Variants in SLC41A2 observed in about 807,000 individuals in gnomAD.
The protein encoded by SLC41A2 is solute carrier family 41 member 2.
Under a neutral mutation model 58.3 loss-of-function variants are expected in SLC41A2, and 32 were observed. The ratio of observed to expected loss-of-function variants is 0.55; its 90% CI spans 0.41 to 0.74. The LOEUF is 0.74. SLC41A2 is among the 30% of genes least tolerant of loss of function. The probability of loss-of-function intolerance (pLI) is 0.00; values close to 1 mark genes in which losing one functional copy is unlikely to be tolerated. For missense variants in SLC41A2, 514 were observed against 680.6 expected (o/e 0.76, Z 2.72); for synonymous variants, 190 against 235.0 (o/e 0.81, Z 1.75).
chr12:104,939,566 A>AACCAG (rs1219562747), intron 1 of SLC41A2, among the ~76,000 whole-genome samples: 3 of 152,212 alleles, frequency 2.0e-5, no homozygotes, highest in Non-Finnish European at 4.4e-5. Flanking sequence ...GGATTTACCA[A>AACCAG]ACCAGAATAT....
intron 1 of SLC41A2, among the ~76,000 whole-genome samples, chr12:104,939,058 C>T (rs1449001560): frequency 2.0e-5 from 3 of 152,202 alleles, no homozygotes; most frequent in African/African-American, 7.2e-5. Flanking sequence ...GTCCTTTTCA[C>T]TGAACACATT....
chr12:104,916,082 G>T (rs1419228658), intron 2 of SLC41A2, among the ~76,000 whole-genome samples: 1 of 152,056 alleles, frequency 6.6e-6, no homozygotes, highest in East Asian at 1.9e-4. Flanking sequence ...TTATTGATTT[G>T]CGTATATTGA....
At chr12:104,920,347 G>A (rs2046535158) in intron 2 of SLC41A2, among the ~76,000 whole-genome samples, 3 of 152,018 alleles carry the variant, frequency 2.0e-5, no homozygotes, top group South Asian at 2.1e-4. Context: ...GAATTTAAAA[G>A]GGAATTCTGT....
At chr12:104,954,510 G>A (rs1415265344) in intron 1 of SLC41A2, among the ~76,000 whole-genome samples, 9 of 152,124 alleles carry the variant, frequency 5.9e-5, no homozygotes, top group East Asian at 1.9e-4. Context: ...AAACCCCAGC[G>A]GGCAGAGAAA....
At chr12:104,902,727 C>G (rs1424247019) in intron 3 of SLC41A2, among the ~76,000 whole-genome samples, 1 of 152,070 alleles carries the variant, frequency 6.6e-6, no homozygotes, top group Non-Finnish European at 1.5e-5. Context: ...GGTCTCAAAG[C>G]CAAGGGCTAT....
chr12:104,910,441 T>A (rs1054431406), intron 2 of SLC41A2, among the ~76,000 whole-genome samples: 1 of 152,136 alleles, frequency 6.6e-6, no homozygotes, highest in Non-Finnish European at 1.5e-5. Context: ...AATTTCTTCA[T>A]CCATTAAATG....
At chr12:104,903,907 A>G (rs1000319081) in intron 3 of SLC41A2, among the ~76,000 whole-genome samples, 6 of 152,168 alleles carry the variant, frequency 3.9e-5, no homozygotes, top group African/African-American at 9.7e-5. Context: ...TCAGCTCCTG[A>G]GACTCCTTCT....
At chr12:104,883,366 G>C (rs1320139128) in intron 6 of SLC41A2, among the ~76,000 whole-genome samples, 1 of 152,144 alleles carries the variant, frequency 6.6e-6, no homozygotes, top group East Asian at 1.9e-4. Context: ...TTCCATTGCT[G>C]AGGAGCTGTG....
intron 1 of SLC41A2, among the ~76,000 whole-genome samples, chr12:104,940,901 C>T (rs895142769): frequency 6.7e-6 from 1 of 148,972 alleles, no homozygotes; most frequent in African/African-American, 2.5e-5. Context: ...AGGTGATCCG[C>T]CTGCCTCCGA....
At position 104,803,585 on chromosome 12, in the gene SLC41A2, C is replaced by T. The variant is rs776515253; in HGVS notation, c.*1567G>A. 3 of 152,072 alleles carry T rather than the reference C, an allele frequency of 2.0e-5. No homozygotes were observed. The highest frequency in any genetic ancestry group is 4.4e-5 in the Non-Finnish European group (3 of 68,002). 9.4% of individuals were successfully genotyped at this position (152,072 alleles called of 1,614,324 possible). A position where few individuals can be genotyped will look rare whatever the true frequency, so the allele number is the denominator to read the frequency against. On this transcript the variant is annotated 3_prime_UTR_variant, in exon 11 of 11. Coordinates refer to ENST00000258538, the MANE Select transcript of SLC41A2 (RefSeq NM_001352171.3). ...AATCATGATGATCAAAGTTAATGTG[C>T]ATTTTGATACCCTTATCAGCTTAAA...
At chr12:104,839,471 T>C (rs1247046295) in intron 10 of SLC41A2, among the ~76,000 whole-genome samples, 2 of 151,844 alleles carry the variant, frequency 1.3e-5, no homozygotes. Context: ...CATCTAATTA[T>C]AGTCTTTTTT....
At chr12:104,850,576 C>T (rs1271479275) in intron 8 of SLC41A2, among the ~76,000 whole-genome samples, 1 of 152,112 alleles carries the variant, frequency 6.6e-6, no homozygotes, top group Non-Finnish European at 1.5e-5. Context: ...AATGTAAGTA[C>T]AGAAACAGGA....
At chr12:104,943,573 C>T (rs555823595) in intron 1 of SLC41A2, among the ~76,000 whole-genome samples, 6 of 152,316 alleles carry the variant, frequency 3.9e-5, no homozygotes, top group East Asian at 1.9e-4. Context: ...GCCCATACTC[C>T]GATGTTAATG....
At position 104,821,537 on chromosome 12, in the gene SLC41A2, T is replaced by C. The variant is rs148426866; in HGVS notation, c.1537-16200A>G. 6.7e-4 allele frequency among the ~76,000 whole-genome samples: 102 copies of C among 152,326 alleles called. No individual in the cohort carries two copies. In the Middle Eastern group the frequency reaches 0.01, roughly 15 times the overall value. On this transcript the variant is annotated intron_variant, in intron 10 of 10. Transcript: ENST00000258538. ...ATAGCTGAATGGTAGTCCCGCTAAA[T>C]ATAGTAGATGAATAATACTTACATA...
intron 10 of SLC41A2, among the ~76,000 whole-genome samples, chr12:104,817,218 A>T (rs143270017): frequency 1.2e-3 from 184 of 152,340 alleles, no homozygotes; most frequent in Admixed American, 2.6e-3. Flanking sequence ...TATACAGTAT[A>T]AAAGATAAAA....
chr12:104,821,951 GTTCAT>G (rs1268076648), intron 10 of SLC41A2, among the ~76,000 whole-genome samples: 1 of 152,108 alleles, frequency 6.6e-6, no homozygotes, highest in African/African-American at 2.4e-5. Flanking sequence ...TTGGCTGGGT[GTTCAT>G]TAACTATTGC....
At chr12:104,810,064 C>T (rs545240630) in intron 10 of SLC41A2, among the ~76,000 whole-genome samples, 2 of 152,156 alleles carry the variant, frequency 1.3e-5, no homozygotes, top group South Asian at 4.2e-4. Context: ...AATTGTTTGT[C>T]CTGGGCAAGG....
chr12:104,853,939 T>TTTTTTTTTTTTTTG (rs71441896), intron 8 of SLC41A2, among the ~76,000 whole-genome samples: 1 of 132,830 alleles, frequency 7.5e-6, no homozygotes, highest in Non-Finnish European at 1.6e-5. Flanking sequence ...TTTTTTTTTT[T>TTTTTTTTTTTTTTG]AGTAGAACTG....
intron 7 of SLC41A2, among the ~76,000 whole-genome samples, chr12:104,863,241 C>A (rs541052249): frequency 2.1e-4 from 32 of 152,168 alleles, no homozygotes; most frequent in African/African-American, 7.0e-4. Context: ...AGTTTAAGAC[C>A]AGCCAGGTCA....
Sources: allele counts gnomAD v4.1 joint callset (sites outside exome capture counted in the v4.1 genomes callset), GRCh38; gene constraint gnomAD v4.1.1; transcripts MANE v1.5; gene names NCBI Gene and HGNC (gene_info 2026-07-23, HGNC 2026-07-21).